Variants in ANO4 observed in about 807,000 individuals in gnomAD.
The protein encoded by ANO4 is anoctamin-4.
In ANO4, 69 loss-of-function variants were observed where a neutral mutation model predicts 141.9. The observed-to-expected ratio is 0.49, with a 90% CI of 0.40 to 0.59. The LOEUF (loss-of-function observed/expected upper bound fraction) is 0.59. Ranked by LOEUF, ANO4 falls within the 20% of genes least tolerant of loss-of-function variation. The pLI is 0.00. For synonymous variants in ANO4, 350 were observed against 394.3 expected, an observed-to-expected ratio of 0.89 and a Z score of 1.33; for missense variants, 894 against 1,162.2, an observed-to-expected ratio of 0.77 and a Z score of 3.36.
chr12:100,977,636 C>T (rs10860671), intron 7 of ANO4, among the ~76,000 whole-genome samples: 30,962 of 152,054 alleles, frequency 0.2, 3,233 homozygotes, highest in Middle Eastern at 0.35. Context: ...ATATATTACT[C>T]TTCATTCCCA....
chr12:101,110,892 T>A (rs2050638104), intron 23 of ANO4, among the ~76,000 whole-genome samples: 1 of 152,236 alleles, frequency 6.6e-6, no homozygotes. Context: ...CTTGATTTGT[T>A]CTTTCCTAAA....
chr12:101,034,625 TAAGAG>T (rs1191681907), intron 9 of ANO4, among the ~76,000 whole-genome samples: 3 of 130,310 alleles, frequency 2.3e-5, no homozygotes, highest in African/African-American at 5.7e-5. Flanking sequence ...AATAGAATGA[TAAGAG>T]AAGCCACACA....
At chr12:100,925,412 G>A (rs971986696) in intron 3 of ANO4, among the ~76,000 whole-genome samples, 1 of 151,668 alleles carries the variant, frequency 6.6e-6, no homozygotes, top group African/African-American at 2.4e-5. Flanking sequence ...CCACTTATAA[G>A]TGAGAACATG....
At chr12:101,015,326 A>C (rs769496837) in intron 8 of ANO4, among the ~76,000 whole-genome samples, 5 of 152,126 alleles carry the variant, frequency 3.3e-5, no homozygotes, top group Non-Finnish European at 7.4e-5. Flanking sequence ...ATTCATATGC[A>C]TGTACTTCCT....
intron 14 of ANO4, chr12:101,067,047 G>T: frequency 2.1e-6 from 1 of 469,636 alleles, no homozygotes; most frequent in Non-Finnish European, 3.8e-6. Flanking sequence ...GGCTTATTGT[G>T]AGTGTTTTAG....
intron 2 of ANO4, among the ~76,000 whole-genome samples, chr12:100,734,399 G>T (rs1442241005): frequency 6.6e-6 from 1 of 152,092 alleles, no homozygotes; most frequent in East Asian, 1.9e-4. Flanking sequence ...TTTTCTTTTG[G>T]TTGAATCCTT....
intron 17 of ANO4, among the ~76,000 whole-genome samples, chr12:101,088,113 C>T (rs1445661686): frequency 1.3e-5 from 2 of 152,070 alleles, no homozygotes; most frequent in African/African-American, 4.8e-5. Flanking sequence ...CGGGCTTTCG[C>T]TCATCTGGTC....
chr12:100,749,844 G>C (rs965204351), intron 3 of ANO4, among the ~76,000 whole-genome samples: 3 of 152,200 alleles, frequency 2.0e-5, no homozygotes, highest in African/African-American at 7.2e-5. Flanking sequence ...AGCTAAGAGA[G>C]CCTGAGTTTG....
intron 5 of ANO4, among the ~76,000 whole-genome samples, chr12:100,959,932 G>C (rs1192136965): frequency 6.6e-6 from 1 of 152,146 alleles, no homozygotes; most frequent in Non-Finnish European, 1.5e-5. Context: ...TAGGCAGCAG[G>C]GTTTAGTTTT....
At chr12:100,901,104 G>C (rs1372218210) in intron 1 of ANO4, among the ~76,000 whole-genome samples, 1 of 152,158 alleles carries the variant, frequency 6.6e-6, no homozygotes, top group Non-Finnish European at 1.5e-5. Context: ...CAACAACAAA[G>C]GGAGTGGGAT....
At chr12:100,781,286 CAGTAGA>C (rs2033703103) in intron 3 of ANO4, among the ~76,000 whole-genome samples, 1 of 152,166 alleles carries the variant, frequency 6.6e-6, no homozygotes, top group African/African-American at 2.4e-5. Flanking sequence ...CTCCCTGGCT[CAGTAGA>C]CATTTACTCA....
intron 26 of ANO4, among the ~76,000 whole-genome samples, chr12:101,122,455 TGCCCAGGCCAGTATTGAGAA>T (rs1347296123): frequency 2.0e-5 from 3 of 152,230 alleles, no homozygotes; most frequent in African/African-American, 7.2e-5. Flanking sequence ...ATAAATTCTT[TGCCCAGGCCAGTATTGAGAA>T]GGGTATTTCC....
intron 3 of ANO4, among the ~76,000 whole-genome samples, chr12:100,756,068 T>C (rs964740176): frequency 1.3e-5 from 2 of 152,220 alleles, no homozygotes; most frequent in African/African-American, 4.8e-5. Context: ...TTTTTTCAAG[T>C]GTCAGATACA....
chr12:100,902,400 A>G (rs1458966334), intron 2 of ANO4, among the ~76,000 whole-genome samples: 1 of 152,334 alleles, frequency 6.6e-6, no homozygotes, highest in Middle Eastern at 3.4e-3. Context: ...ATTTGGGGGA[A>G]AAGCTCATTT....
intron 3 of ANO4, among the ~76,000 whole-genome samples, chr12:100,926,833 T>A (rs1477477402): frequency 6.6e-6 from 1 of 151,966 alleles, no homozygotes; most frequent in African/African-American, 2.4e-5. Flanking sequence ...AGAGATGCCC[T>A]GTAGAGGGAG....
At chr12:100,821,373 T>G (rs1467878891) in intron 1 of ANO4, among the ~76,000 whole-genome samples, 1 of 152,034 alleles carries the variant, frequency 6.6e-6, no homozygotes, top group Admixed American at 6.6e-5. Flanking sequence ...AACAGGTATG[T>G]CCAGAATAGT....
intron 1 of ANO4, among the ~76,000 whole-genome samples, chr12:100,897,205 G>T (rs921085540): frequency 1.3e-5 from 2 of 152,106 alleles, no homozygotes; most frequent in African/African-American, 2.4e-5. Flanking sequence ...TTTTTGTAAT[G>T]ATTATTTGAG....
intron 14 of ANO4, among the ~76,000 whole-genome samples, chr12:101,062,754 C>T (rs1314483916): frequency 6.6e-6 from 1 of 152,214 alleles, no homozygotes; most frequent in Non-Finnish European, 1.5e-5. Context: ...TTGAGCATCC[C>T]AGGTCAACTT....
intron 8 of ANO4, among the ~76,000 whole-genome samples, chr12:101,006,730 A>G (rs1305076057): frequency 6.6e-6 from 1 of 152,216 alleles, no homozygotes; most frequent in Non-Finnish European, 1.5e-5. Flanking sequence ...TACCATTTCT[A>G]TAAAGTTCTA....
Sources: gnomAD v4.1 joint callset for allele counts (sites outside exome capture counted in the v4.1 genomes callset) on GRCh38, gnomAD v4.1.1 for gene constraint, MANE v1.5 for transcripts, NCBI Gene and HGNC (gene_info 2026-07-23, HGNC 2026-07-21) for gene names.